The following TRIM62 variants were observed in gnomAD, a reference collection of about 807,000 sequenced individuals.
TRIM62 encodes the protein E3 ubiquitin-protein ligase TRIM62.
Under a neutral mutation model 44.2 loss-of-function variants are expected in TRIM62, and 39 were observed. The observed-to-expected ratio is 0.88, with a 90% confidence interval of 0.68 to 1.15. The LOEUF (loss-of-function observed/expected upper bound fraction) is 1.15, where lower values mean the gene tolerates loss of function less well. Ranked by LOEUF, TRIM62 falls within the 50% of genes most tolerant of loss-of-function variation. The probability of loss-of-function intolerance (pLI) is 0.00; values close to 1 mark genes in which losing one functional copy is unlikely to be tolerated. For missense variants in TRIM62, 544 were observed against 665.5 expected (o/e 0.82, Z 2.01); for synonymous variants, 278 against 292.3 (o/e 0.95, Z 0.50).
intron 1 of TRIM62, among the ~76,000 whole-genome samples, chr1:33,173,222 T>C (rs1236009523): frequency 6.6e-6 from 1 of 152,150 alleles, no homozygotes; most frequent in Non-Finnish European, 1.5e-5. Flanking sequence ...CCACACAATC[T>C]CTGGCAACAT....
rs1557759517 is a variant in TRIM62 at position 33,167,980 on chromosome 1, T to G, written c.409-2414A>C. ...CAGTCCCTGATCATAGGGACTAGTC[T>G]GGTGGGGAAGACAGACAACAAACAA... On this transcript the variant is annotated intron_variant, in intron 1 of 4. Coordinates refer to ENST00000291416, the MANE Select transcript of TRIM62 (RefSeq NM_018207.3). This position sits in a 1 kb window ranked among gnomAD's most constrained non-coding sequence, Gnocchi z 4.2. Among the ~76,000 whole-genome samples, 2 of 152,170 alleles carry G rather than the reference T, an allele frequency of 1.3e-5. No homozygotes were observed. The highest frequency in any genetic ancestry group is 4.8e-5 in the African/African-American group (2 of 41,416).
chr1:33,181,208 G>C lies in TRIM62; in HGVS notation c.225C>G (p.Tyr75Ter). 1 of 1,583,030 alleles carries C rather than the reference G, an allele frequency of 6.3e-7. No individual in the cohort carries two copies. The highest frequency in any genetic ancestry group is 8.5e-7 in the Non-Finnish European group (1 of 1,170,208). ...SLKLANIVER[Y>*]SSFPLDAILN... ...GGATGGCGTCCAGCGGGAAGGAGCT[G>C]TAGCGCTCCACGATGTTGGCCAGCT... The change falls in exon 1 of 5, where the codon TAC (tyrosine) becomes TAG (stop). Residue 75 changes from tyrosine to a stop codon, truncating the protein, a stop_gained. Coordinates refer to ENST00000291416, the MANE Select transcript of TRIM62 (RefSeq NM_018207.3). LOFTEE classifies it high-confidence loss of function. The surrounding 1 kb of genome is among the most constrained non-coding windows in gnomAD (Gnocchi z 6.5).
chr1:33,181,716 C>A lies in TRIM62; in HGVS notation c.-284G>T, dbSNP rs1645466165. The stretch of plus-strand genomic sequence containing the variant: ...GAGGAGGCTGTGAGCGGCTGAGGGA[C>A]GGAGATCCTGACGGGGAGGTTCTAG... On this transcript the variant is annotated 5_prime_UTR_variant, in exon 1 of 5. Coordinates refer to ENST00000291416, the MANE Select transcript of TRIM62 (RefSeq NM_018207.3). This position sits in a 1 kb window ranked among gnomAD's most constrained non-coding sequence, Gnocchi z 6.5. The A allele has an allele frequency of 2.3e-6, 1 of 439,730 alleles. No homozygotes were observed. Among genetic ancestry groups the A allele is most frequent in the East Asian group, 4.8e-5 (1 of 20,912 alleles). 27.2% of individuals were successfully genotyped at this position (439,730 alleles called of 1,614,324 possible).
At chr1:33,158,983 G>C (rs750067234) in intron 3 of TRIM62, among the ~76,000 whole-genome samples, 12 of 152,188 alleles carry the variant, frequency 7.9e-5, no homozygotes, top group Non-Finnish European at 1.5e-4. Context: ...TGGGACTACA[G>C]GTGCCTGCCA....
chr1:33,166,746 C>T (rs1408358644), intron 1 of TRIM62, among the ~76,000 whole-genome samples: 2 of 152,120 alleles, frequency 1.3e-5, no homozygotes, highest in African/African-American at 4.8e-5. Context: ...AACAACAAAT[C>T]CACAACACAC....
At position 33,177,114 on chromosome 1, in the gene TRIM62, TGCATGTACGCATGCACACACAC is replaced by T. The variant is rs1282294149; in HGVS notation, c.408+3889_408+3910del. On this transcript the variant is annotated intron_variant, in intron 1 of 4. Coordinates refer to ENST00000291416, the MANE Select transcript of TRIM62 (RefSeq NM_018207.3). The surrounding 1 kb of genome is among the most constrained non-coding windows in gnomAD (Gnocchi z 4.1). ...AAATGCACACACATGCACACACACATGCATGTACGCATGCACACACACGCACATGCACACCCACAGGTTACAT... is the reference window on the plus strand; with the variant it reads ...AAATGCACACACATGCACACACACATGCACATGCACACCCACAGGTTACAT... Among the ~76,000 whole-genome samples, 2 of 150,032 alleles carry T rather than the reference TGCATGTACGCATGCACACACAC, an allele frequency of 1.3e-5. No homozygotes were observed. Among genetic ancestry groups the T allele is most frequent in the South Asian group, 2.1e-4 (1 of 4,770 alleles).
At chr1:33,156,850 TTCTTTCACACCTGGATTTGCTAA>T (rs1426345709) in intron 4 of TRIM62, among the ~76,000 whole-genome samples, 2 of 152,174 alleles carry the variant, frequency 1.3e-5, no homozygotes, top group African/African-American at 4.8e-5. Context: ...CTCGTCTTCT[TTCTTTCACACCTGGATTTGCTAA>T]TCCGCTAGCA....
chr1:33,169,584 A>G (rs1317162841), intron 1 of TRIM62, among the ~76,000 whole-genome samples: 2 of 152,184 alleles, frequency 1.3e-5, no homozygotes, highest in Non-Finnish European at 2.9e-5. Flanking sequence ...TCTGGGAAGA[A>G]AGGCACAAAG....
chr1:33,169,325 C>T (rs758770333), intron 1 of TRIM62, among the ~76,000 whole-genome samples: 22 of 152,142 alleles, frequency 1.4e-4, no homozygotes, highest in Non-Finnish European at 2.9e-4. Flanking sequence ...TGATTCCTAC[C>T]GCCTCCAAAC....
rs1645272806 is a variant in TRIM62 at position 33,161,825 on chromosome 1, G to T, written c.505-1881C>A. Among the ~76,000 whole-genome samples the T allele has an allele frequency of 6.6e-6, 1 of 152,160 alleles. No individual in the cohort carries two copies. The highest frequency in any genetic ancestry group is 2.4e-5 in the African/African-American group (1 of 41,428). ...TTAGCCCACTCGCCACCCTCTCCTAGTTGAAAGTTCTGCTTTGCCTCCCAT... is the reference window on the plus strand; with the variant it reads ...TTAGCCCACTCGCCACCCTCTCCTATTTGAAAGTTCTGCTTTGCCTCCCAT... On this transcript the variant is annotated intron_variant, in intron 2 of 4. Coordinates refer to ENST00000291416, the MANE Select transcript of TRIM62 (RefSeq NM_018207.3). The surrounding 1 kb of genome is among the most constrained non-coding windows in gnomAD (Gnocchi z 4.3).
chr1:33,158,215 C>T (rs776969465), intron 4 of TRIM62, 38 bp downstream of exon 4: 2 of 1,578,672 alleles, frequency 1.3e-6, no homozygotes, highest in South Asian at 1.1e-5. Context: ...CTGGGACATG[C>T]CCCACCTAGC....
chr1:33,165,393 C>G lies in TRIM62; in HGVS notation c.504+78G>C, dbSNP rs1645317646. 3.7e-6 allele frequency: 5 copies of G among 1,355,312 alleles called. No individual in the cohort carries two copies. The Admixed American group carries it at 8.9e-5, about 24-fold the overall frequency. The allele number at this position is 1,355,312 out of a possible 1,614,324, so 84.0% of individuals were successfully genotyped here. A position where few individuals can be genotyped will look rare whatever the true frequency, so the allele number is the denominator to read the frequency against. ...ACCGCACACCCGAGGCCCCGCCCCT[C>G]TTCCCCAGCTGGCCCCGCCCCTCGA... On this transcript the variant is annotated intron_variant, in intron 2 of 4. Transcript: ENST00000291416. The surrounding 1 kb of genome is among the most constrained non-coding windows in gnomAD (Gnocchi z 4.0).
At chr1:33,168,598 C>G (rs1351363075) in intron 1 of TRIM62, among the ~76,000 whole-genome samples, 1 of 152,188 alleles carries the variant, frequency 6.6e-6, no homozygotes, top group East Asian at 1.9e-4. Flanking sequence ...AGAAACGCAC[C>G]CCATCTGACT....
chr1:33,169,559 C>A (rs1327267770), intron 1 of TRIM62, among the ~76,000 whole-genome samples: 2 of 152,166 alleles, frequency 1.3e-5, no homozygotes, highest in Non-Finnish European at 2.9e-5. Context: ...TGCCAGTCTG[C>A]AGATTTCCAC....
Position 33,181,026 on chromosome 1 carries a change from T to C in TRIM62, c.407A>G (p.Gln136Arg), listed in dbSNP as rs756137813. The change falls in exon 1 of 5, where the codon CAG (glutamine) becomes CGG (arginine). Residue 136 changes from glutamine (Q) to arginine (R), a missense_variant and splice_region_variant. By Grantham distance (43) the Gln-to-Arg change is conservative. Coordinates refer to ENST00000291416, the MANE Select transcript of TRIM62 (RefSeq NM_018207.3). The surrounding 1 kb of genome is among the most constrained non-coding windows in gnomAD (Gnocchi z 6.5). ...TGIDDAFDEL[Q>R]RELKDQLQAL... ...CCCCAGGCAGGCCGGGTAGCGCACC[T>C]GCAGCTCGTCGAAGGCGTCGTCGAT... is the stretch of plus-strand genomic sequence containing the variant. The C allele has an allele frequency of 3.0e-6, 4 of 1,348,118 alleles. No individual in the cohort carries two copies. Among genetic ancestry groups the C allele is most frequent in the Admixed American group, 2.1e-5 (1 of 48,152 alleles). 83.5% of individuals were successfully genotyped at this position (1,348,118 alleles called of 1,614,324 possible).
At position 33,175,001 on chromosome 1, in the gene TRIM62, G is replaced by GTATGTATATGTA. The variant is rs71006384; in HGVS notation, c.408+6012_408+6023dup. On this transcript the variant is annotated intron_variant, in intron 1 of 4. Transcript: ENST00000291416. The stretch of plus-strand genomic sequence containing the variant: ...TATACATATATATGCACACACACAT[G>GTATGTATATGTA]TATGTATATGTATATGTATATGTAT... 2.4e-3 allele frequency among the ~76,000 whole-genome samples: 319 copies of GTATGTATATGTA among 135,662 alleles called. 1 individual carries two copies. Among genetic ancestry groups the GTATGTATATGTA allele is most frequent in the African/African-American group, 7.6e-3 (261 of 34,318 alleles). 89.0% of individuals were successfully genotyped at this position (135,662 alleles called of 152,430 possible). A position where few individuals can be genotyped will look rare whatever the true frequency, so the allele number is the denominator to read the frequency against.
At chr1:33,156,414 T>C in intron 4 of TRIM62, among the ~76,000 whole-genome samples, 1 of 152,224 alleles carries the variant, frequency 6.6e-6, no homozygotes, top group East Asian at 1.9e-4. Flanking sequence ...AATAGTCTCT[T>C]CTGGGTTCTC....
At chr1:33,154,664 G>A (rs960733314) in intron 4 of TRIM62, among the ~76,000 whole-genome samples, 1 of 151,390 alleles carries the variant, frequency 6.6e-6, no homozygotes, top group African/African-American at 2.4e-5. Flanking sequence ...TGGGTGCAGT[G>A]GCGTGTGCCT....
At chr1:33,174,217 G>T (rs994948129) in intron 1 of TRIM62, among the ~76,000 whole-genome samples, 1 of 150,754 alleles carries the variant, frequency 6.6e-6, no homozygotes. Flanking sequence ...TCACTCTGTT[G>T]CCCAGGCTGG....
Sources: allele counts gnomAD v4.1 joint callset (sites outside exome capture counted in the v4.1 genomes callset), GRCh38; gene constraint gnomAD v4.1.1; non-coding constraint Gnocchi (gnomAD v3.1); transcripts MANE v1.5; gene names NCBI Gene and HGNC (gene_info 2026-07-23, HGNC 2026-07-21).